CNTNAP2: variants seen among roughly 807,000 people sequenced by gnomAD.
CNTNAP2 encodes contactin associated protein 2.
A neutral mutation model predicts 155.2 loss-of-function variants in CNTNAP2; 98 were observed. The ratio of observed to expected loss-of-function variants is 0.63; its 90% CI spans 0.54 to 0.75. The LOEUF is 0.75. Among genes scored for constraint, CNTNAP2 ranks in the 30% least tolerant of loss-of-function variants. The pLI is 0.00. For synonymous variants in CNTNAP2, 651 were observed against 631.2 expected, an observed-to-expected ratio of 1.03 and a Z score of -0.47; for missense variants, 1,727 against 1,688.1, an observed-to-expected ratio of 1.02 and a Z score of -0.40.
At chr7:147,317,306 C>G (rs569012093) in intron 9 of CNTNAP2, among the ~76,000 whole-genome samples, 35 of 152,322 alleles carry the variant, frequency 2.3e-4, no homozygotes, top group African/African-American at 7.7e-4. Flanking sequence ...CCCTTTCCAC[C>G]CTCACTGACT....
Position 147,463,788 on chromosome 7 carries a change from G to T in CNTNAP2, c.1671-22147G>T, listed in dbSNP as rs1306983812. Among the ~76,000 whole-genome samples, 4 of 152,024 alleles carry T rather than the reference G, an allele frequency of 2.6e-5. No homozygotes were observed. The East Asian group carries it at 7.7e-4, about 29-fold the overall frequency. ...GAATAGCAGGTTTTCCAGGAAATTA[G>T]GTAAAATAGCAAGGACCATAACAAA... On this transcript the variant is annotated intron_variant, in intron 10 of 23. Transcript: ENST00000361727.
At chr7:147,692,294 TG>T (rs1354636269) in intron 13 of CNTNAP2, among the ~76,000 whole-genome samples, 1 of 152,168 alleles carries the variant, frequency 6.6e-6, no homozygotes, top group Non-Finnish European at 1.5e-5. Context: ...CTGGCAATTA[TG>T]AATGAAGTTA....
chr7:147,783,448 A>C (rs1442976871), intron 13 of CNTNAP2, among the ~76,000 whole-genome samples: 1 of 152,178 alleles, frequency 6.6e-6, no homozygotes. Context: ...TCCAAATAGA[A>C]TGTTGAGATC....
chr7:148,013,665 C>T lies in CNTNAP2; in HGVS notation c.2383+35676C>T, dbSNP rs554703781. Among the ~76,000 whole-genome samples the T allele has an allele frequency of 1.2e-4, 18 of 152,244 alleles. No individual in the cohort carries two copies. In the South Asian group the frequency reaches 3.7e-3, roughly 32 times the overall value. ...ATTATTGGTGTGAGGAATAGAATTC[C>T]CCTGATCACCTTAGCCTAATCAATT... is the stretch of plus-strand genomic sequence containing the variant. On this transcript the variant is annotated intron_variant, in intron 15 of 23. Coordinates refer to ENST00000361727, the MANE Select transcript of CNTNAP2 (RefSeq NM_014141.6).
intron 11 of CNTNAP2, among the ~76,000 whole-genome samples, chr7:147,503,197 T>C (rs1798849964): frequency 6.6e-6 from 1 of 152,182 alleles, no homozygotes; most frequent in Admixed American, 6.5e-5. Context: ...TGATTGCCAG[T>C]AATTTTTGGC....
At chr7:146,208,337 C>T (rs1798980731) in intron 1 of CNTNAP2, among the ~76,000 whole-genome samples, 2 of 151,848 alleles carry the variant, frequency 1.3e-5, no homozygotes, top group Admixed American at 6.6e-5. Flanking sequence ...AAAAAAATTA[C>T]TAAGTGTAAC....
At chr7:146,828,859 G>A (rs1417463619) in intron 2 of CNTNAP2, among the ~76,000 whole-genome samples, 2 of 151,928 alleles carry the variant, frequency 1.3e-5, no homozygotes, top group East Asian at 3.9e-4. Context: ...GTAAAATAAG[G>A]GTATGTTTGT....
chr7:147,973,803 G>A (rs1025920278), intron 14 of CNTNAP2, among the ~76,000 whole-genome samples: 10 of 152,158 alleles, frequency 6.6e-5, no homozygotes, highest in African/African-American at 2.4e-4. Flanking sequence ...TCCAGATAGT[G>A]TGAATCTGAA....
At chr7:147,188,499 A>C (rs150935888) in intron 8 of CNTNAP2, among the ~76,000 whole-genome samples, 2 of 152,332 alleles carry the variant, frequency 1.3e-5, no homozygotes, top group East Asian at 3.9e-4. Flanking sequence ...TATAGGGTGA[A>C]TTATCCTCTC....
chr7:146,927,741 G>A (rs1796636894), intron 3 of CNTNAP2, among the ~76,000 whole-genome samples: 1 of 151,722 alleles, frequency 6.6e-6, no homozygotes, highest in East Asian at 1.9e-4. Context: ...CCAGTCTCTG[G>A]AAGCAATCAC....
chr7:147,221,364 T>C (rs1168045630), intron 8 of CNTNAP2, among the ~76,000 whole-genome samples: 9 of 151,950 alleles, frequency 5.9e-5, no homozygotes, highest in African/African-American at 1.5e-4. Flanking sequence ...TCCCAGAAAA[T>C]GGGGCCAGGC....
chr7:148,112,281 AAATATAAGAAAATAC>A (rs1435896269), intron 15 of CNTNAP2, among the ~76,000 whole-genome samples: 1 of 152,192 alleles, frequency 6.6e-6, no homozygotes, highest in African/African-American at 2.4e-5. Flanking sequence ...CAACAAACAA[AAATATAAGAAAATAC>A]AATTACATAC....
intron 1 of CNTNAP2, among the ~76,000 whole-genome samples, chr7:146,147,188 T>G (rs1259382157): frequency 2.0e-5 from 3 of 152,160 alleles, no homozygotes; most frequent in Non-Finnish European, 4.4e-5. Context: ...TAAAATACTG[T>G]TGTTAAGCAC....
chr7:148,273,723 C>T (rs1014577682), intron 21 of CNTNAP2, among the ~76,000 whole-genome samples: 34 of 152,076 alleles, frequency 2.2e-4, no homozygotes, highest in African/African-American at 6.8e-4. Context: ...AAAAATAAAG[C>T]GAACTTCTAT....
intron 3 of CNTNAP2, among the ~76,000 whole-genome samples, chr7:146,898,442 G>A (rs921846817): frequency 6.6e-6 from 1 of 151,614 alleles, no homozygotes; most frequent in South Asian, 2.1e-4. Flanking sequence ...CTAGTTAAAT[G>A]AGAGTTTCAA....
chr7:147,072,666 A>C (rs1408017868), intron 4 of CNTNAP2, among the ~76,000 whole-genome samples: 1 of 152,008 alleles, frequency 6.6e-6, no homozygotes, highest in African/African-American at 2.4e-5. Flanking sequence ...TGGTGGAAAA[A>C]AGTGCTGGAA....
At chr7:147,580,973 C>G (rs1296384200) in intron 12 of CNTNAP2, among the ~76,000 whole-genome samples, 1 of 152,168 alleles carries the variant, frequency 6.6e-6, no homozygotes, top group Non-Finnish European at 1.5e-5. Context: ...AGCATTTAAA[C>G]AACATCATCC....
At chr7:148,175,015 T>C (rs1027562909) in intron 18 of CNTNAP2, among the ~76,000 whole-genome samples, 2 of 152,178 alleles carry the variant, frequency 1.3e-5, no homozygotes, top group Non-Finnish European at 1.5e-5. Context: ...GTGTTTGGTT[T>C]TCTGTTCCTG....
At chr7:146,321,168 T>C (rs1426405889) in intron 1 of CNTNAP2, among the ~76,000 whole-genome samples, 2 of 152,058 alleles carry the variant, frequency 1.3e-5, no homozygotes, top group Non-Finnish European at 2.9e-5. Context: ...TGGGGTAAAA[T>C]AGGGTAGCCG....
Sources: gnomAD v4.1 joint callset for allele counts (sites outside exome capture counted in the v4.1 genomes callset) on GRCh38, gnomAD v4.1.1 for gene constraint, MANE v1.5 for transcripts, NCBI Gene and HGNC (gene_info 2026-07-23, HGNC 2026-07-21) for gene names.